The following DCLK3 variants were observed in gnomAD, a reference collection of about 807,000 sequenced individuals.
DCLK3 encodes the protein doublecortin like kinase 3, also known as serine/threonine-protein kinase DCLK3.
Under a neutral mutation model 46.4 loss-of-function variants are expected in DCLK3, and 30 were observed. The observed-to-expected ratio is 0.65, with a 90% CI of 0.48 to 0.88. The LOEUF is 0.88. DCLK3 is among the 40% of genes least tolerant of loss of function. The probability of loss-of-function intolerance (pLI) is 0.00; values close to 1 mark genes in which losing one functional copy is unlikely to be tolerated. For synonymous variants in DCLK3, 401 were observed against 339.2 expected (o/e 1.18, Z -2.00); for missense variants, 846 against 907.1 (o/e 0.93, Z 0.87).
chr3:36,760,283 T>C (rs1469716646), intron 1 of DCLK3, among the ~76,000 whole-genome samples: 2 of 152,238 alleles, frequency 1.3e-5, no homozygotes, highest in Non-Finnish European at 2.9e-5. Context: ...TAGGGCCTTG[T>C]ACTCAAAATG....
rs553800304 is a variant in DCLK3 at position 36,747,071 on chromosome 3, A to G, written c.83-7987T>C. Among the ~76,000 whole-genome samples the G allele has an allele frequency of 2.0e-5, 3 of 152,380 alleles. No homozygotes were observed. The East Asian group carries it at 5.8e-4, about 29-fold the overall frequency. ...GTAATTTGTGATATGTTATAAAAAC[A>G]TGGCATCAGTGCAGTGAAACACAAA... On this transcript the variant is annotated intron_variant, in intron 1 of 4. Transcript: ENST00000636136.
At chr3:36,755,098 A>G (rs1319724492) in intron 1 of DCLK3, among the ~76,000 whole-genome samples, 1 of 150,534 alleles carries the variant, frequency 6.6e-6, no homozygotes. Flanking sequence ...AATAACTAAC[A>G]AAAAATGTGT....
intron 1 of DCLK3, among the ~76,000 whole-genome samples, chr3:36,751,487 G>A (rs1701441596): frequency 6.6e-6 from 1 of 152,232 alleles, no homozygotes; most frequent in Non-Finnish European, 1.5e-5. Flanking sequence ...AAGCAGAACT[G>A]CTTCTCTGCT....
At chr3:36,733,034 A>G (rs1040691831) in intron 2 of DCLK3, among the ~76,000 whole-genome samples, 1 of 152,218 alleles carries the variant, frequency 6.6e-6, no homozygotes, top group Non-Finnish European at 1.5e-5. Context: ...CCTTAGGGAC[A>G]CCAGTCACTG....
At chr3:36,754,737 C>T (rs1701471576) in intron 1 of DCLK3, among the ~76,000 whole-genome samples, 1 of 152,198 alleles carries the variant, frequency 6.6e-6, no homozygotes. Context: ...ATTGCTACCA[C>T]ATAGCCAACT....
At chr3:36,761,760 C>T (rs1397304297) in intron 1 of DCLK3, among the ~76,000 whole-genome samples, 1 of 152,038 alleles carries the variant, frequency 6.6e-6, no homozygotes, top group Admixed American at 6.6e-5. Context: ...AAGACAAGAC[C>T]CCTCTGAGAA....
At chr3:36,736,224 G>A (rs1701260745) in intron 2 of DCLK3, among the ~76,000 whole-genome samples, 1 of 152,166 alleles carries the variant, frequency 6.6e-6, no homozygotes, top group African/African-American at 2.4e-5. Flanking sequence ...CATGAAAGCA[G>A]GGTTTTGCTC....
intron 2 of DCLK3, among the ~76,000 whole-genome samples, chr3:36,729,235 TTG>T (rs202146351): frequency 0.053 from 4,455 of 84,378 alleles, 315 homozygotes; most frequent in African/African-American, 0.1. Context: ...TTTTCCCGGG[TTG>T]TGTGTGTGTG....
Position 36,721,567 on chromosome 3 carries a change from C to T in DCLK3, c.2052G>A (p.Gly684=). The change falls in exon 3 of 5, where the codon GGG becomes GGA. Residue 684 remains glycine (G), a synonymous_variant. Transcript: ENST00000636136. ...HVVRPIFTVC[G]TPTYVAPEIL... ...TTTCGGGAGCTACGTAAGTTGGGGT[C>T]CCACACACAGTAAATATAGGTCTCA... 1 of 1,614,102 alleles carries T rather than the reference C, an allele frequency of 6.2e-7. No individual in the cohort carries two copies. The highest frequency in any genetic ancestry group is 1.3e-5 in the African/African-American group (1 of 75,022).
intron 2 of DCLK3, among the ~76,000 whole-genome samples, chr3:36,731,851 A>G (rs1325813298): frequency 6.6e-6 from 1 of 152,128 alleles, no homozygotes; most frequent in African/African-American, 2.4e-5. Context: ...CTTCCACAAG[A>G]TGAACCAGAA....
chr3:36,755,934 G>C (rs928590198), intron 1 of DCLK3, among the ~76,000 whole-genome samples: 1 of 152,208 alleles, frequency 6.6e-6, no homozygotes, highest in African/African-American at 2.4e-5. Context: ...AAAGACAATA[G>C]TGGTATCCTG....
At chr3:36,717,979 C>T in intron 4 of DCLK3, 31 bp downstream of exon 4, 2 of 1,613,562 alleles carry the variant, frequency 1.2e-6, no homozygotes, top group Non-Finnish European at 1.7e-6. Context: ...CCATCCGCTC[C>T]TCTGCTGTGT....
At chr3:36,715,822 G>A (rs1433098400) in intron 4 of DCLK3, among the ~76,000 whole-genome samples, 2 of 152,156 alleles carry the variant, frequency 1.3e-5, no homozygotes, top group Non-Finnish European at 2.9e-5. Flanking sequence ...CAGCAGGGAG[G>A]GGGGTTACCA....
At chr3:36,733,203 T>C (rs758214782) in intron 2 of DCLK3, among the ~76,000 whole-genome samples, 2 of 152,210 alleles carry the variant, frequency 1.3e-5, no homozygotes, top group Admixed American at 6.5e-5. Flanking sequence ...CAGGGATCTC[T>C]GCTCCCAGCA....
intron 3 of DCLK3, among the ~76,000 whole-genome samples, chr3:36,718,912 T>C (rs1053318576): frequency 5.3e-5 from 8 of 152,194 alleles, no homozygotes; most frequent in South Asian, 2.1e-4. Context: ...TAAATAAAAA[T>C]AGGATCACAT....
At chr3:36,746,466 A>T (rs1701394379) in intron 1 of DCLK3, among the ~76,000 whole-genome samples, 1 of 152,182 alleles carries the variant, frequency 6.6e-6, no homozygotes, top group South Asian at 2.1e-4. Flanking sequence ...TGACCACACG[A>T]TAATCCTCAT....
chr3:36,741,308 A>T (rs1325003909), intron 1 of DCLK3, among the ~76,000 whole-genome samples: 2 of 152,192 alleles, frequency 1.3e-5, no homozygotes, highest in African/African-American at 4.8e-5. Context: ...ACACAGTAGG[A>T]TCCTTGATAC....
intron 1 of DCLK3, among the ~76,000 whole-genome samples, chr3:36,762,028 T>C (rs1255630704): frequency 1.3e-5 from 2 of 152,124 alleles, no homozygotes; most frequent in African/African-American, 4.8e-5. Context: ...AGAAATGAGA[T>C]CCTGGGACAA....
chr3:36,731,572 C>T (rs916911958), intron 2 of DCLK3, among the ~76,000 whole-genome samples: 1 of 152,154 alleles, frequency 6.6e-6, no homozygotes, highest in Non-Finnish European at 1.5e-5. Flanking sequence ...CATAACTACA[C>T]AGAAACCACC....
Sources: gnomAD v4.1 joint callset for allele counts (sites outside exome capture counted in the v4.1 genomes callset) on GRCh38, gnomAD v4.1.1 for gene constraint, MANE v1.5 for transcripts, NCBI Gene and HGNC (gene_info 2026-07-23, HGNC 2026-07-21) for gene names.